CNTNAP2: variants seen among roughly 807,000 people sequenced by gnomAD.
The protein encoded by CNTNAP2 is contactin associated protein 2.
In CNTNAP2, 98 loss-of-function variants were observed where a neutral mutation model predicts 155.2. The ratio of observed to expected loss-of-function variants is 0.63; its 90% confidence interval spans 0.54 to 0.75. CNTNAP2 has a LOEUF of 0.75. Among genes scored for constraint, CNTNAP2 ranks in the 30% least tolerant of loss-of-function variants. The pLI, the probability that CNTNAP2 is intolerant of heterozygous loss-of-function variation, is 0.00. For missense variants in CNTNAP2, 1,727 were observed against 1,688.1 expected, an observed-to-expected ratio of 1.02 and a Z score of -0.40; for synonymous variants, 651 against 631.2, an observed-to-expected ratio of 1.03 and a Z score of -0.47.
chr7:146,328,725 C>T (rs977764111), intron 1 of CNTNAP2, among the ~76,000 whole-genome samples: 5 of 152,182 alleles, frequency 3.3e-5, no homozygotes, highest in African/African-American at 1.2e-4. Context: ...TCACCATTCT[C>T]CTCTCTGTTA....
chr7:146,132,210 G>A (rs1183859669), intron 1 of CNTNAP2, among the ~76,000 whole-genome samples: 1 of 152,124 alleles, frequency 6.6e-6, no homozygotes, highest in African/African-American at 2.4e-5. Context: ...AGGCCAATAA[G>A]TGGTTATACA....
At chr7:148,350,038 A>G (rs1005399624) in intron 21 of CNTNAP2, among the ~76,000 whole-genome samples, 3 of 152,162 alleles carry the variant, frequency 2.0e-5, no homozygotes, top group Non-Finnish European at 4.4e-5. Flanking sequence ...TGGATGATGG[A>G]TGGTGGGGAG....
intron 1 of CNTNAP2, among the ~76,000 whole-genome samples, chr7:146,704,057 T>C (rs1419039936): frequency 1.3e-5 from 2 of 152,166 alleles, no homozygotes; most frequent in Admixed American, 6.6e-5. Context: ...AAATAGACTC[T>C]GAACAAATTA....
At chr7:146,915,509 C>G (rs1796374570) in intron 3 of CNTNAP2, among the ~76,000 whole-genome samples, 1 of 152,008 alleles carries the variant, frequency 6.6e-6, no homozygotes, top group Admixed American at 6.6e-5. Context: ...TTGTAATTTT[C>G]CTTGTAGAAG....
intron 3 of CNTNAP2, among the ~76,000 whole-genome samples, chr7:146,929,152 C>T (rs963250116): frequency 1.3e-5 from 2 of 152,194 alleles, no homozygotes; most frequent in Non-Finnish European, 2.9e-5. Context: ...GGTCCCTGAC[C>T]CCTGACCTCC....
At chr7:146,212,018 T>C (rs544688473) in intron 1 of CNTNAP2, among the ~76,000 whole-genome samples, 1 of 152,304 alleles carries the variant, frequency 6.6e-6, no homozygotes, top group African/African-American at 2.4e-5. Context: ...TGAAATTTTA[T>C]ATTTTGTCAT....
chr7:146,974,312 C>T (rs1277496401), intron 3 of CNTNAP2, among the ~76,000 whole-genome samples: 5 of 151,666 alleles, frequency 3.3e-5, no homozygotes, highest in Admixed American at 3.3e-4. Context: ...GTGGAGGGCA[C>T]CTTTAATCTC....
chr7:148,228,268 T>C (rs1795892588), intron 19 of CNTNAP2, among the ~76,000 whole-genome samples: 1 of 152,194 alleles, frequency 6.6e-6, no homozygotes, highest in Non-Finnish European at 1.5e-5. Flanking sequence ...TAAGATATAA[T>C]ATTTATGCTT....
intron 13 of CNTNAP2, among the ~76,000 whole-genome samples, chr7:147,781,838 A>G (rs551384962): frequency 6.6e-5 from 10 of 152,118 alleles, no homozygotes; most frequent in Non-Finnish European, 1.5e-4. Context: ...CCTGGCTAAC[A>G]CGGTGAAACC....
intron 13 of CNTNAP2, among the ~76,000 whole-genome samples, chr7:147,686,862 A>T (rs1796023957): frequency 6.6e-6 from 1 of 152,012 alleles, no homozygotes; most frequent in Non-Finnish European, 1.5e-5. Context: ...AGTGTAAAAA[A>T]AAAAAGCTGT....
At chr7:147,074,813 A>G (rs1338490287) in intron 4 of CNTNAP2, among the ~76,000 whole-genome samples, 3 of 152,182 alleles carry the variant, frequency 2.0e-5, no homozygotes, top group Admixed American at 6.5e-5. Flanking sequence ...TGAGATTGCC[A>G]TCAAGAATTC....
intron 21 of CNTNAP2, among the ~76,000 whole-genome samples, chr7:148,296,972 T>C (rs1273915765): frequency 1.3e-5 from 2 of 152,116 alleles, no homozygotes; most frequent in African/African-American, 4.8e-5. Context: ...ATGCTCATTG[T>C]CTCCCTAGAG....
intron 15 of CNTNAP2, among the ~76,000 whole-genome samples, chr7:148,074,056 G>A (rs1803431500): frequency 6.6e-6 from 1 of 152,140 alleles, no homozygotes; most frequent in East Asian, 1.9e-4. Context: ...CTGGGGCTCT[G>A]GGAATGTATA....
At chr7:147,458,650 T>G (rs78200924) in intron 10 of CNTNAP2, among the ~76,000 whole-genome samples, 3 of 152,160 alleles carry the variant, frequency 2.0e-5, no homozygotes, top group Non-Finnish European at 4.4e-5. Context: ...TGCCTGATAG[T>G]CTCCCTCCTG....
intron 13 of CNTNAP2, among the ~76,000 whole-genome samples, chr7:147,868,693 A>G (rs916247677): frequency 3.3e-5 from 5 of 152,196 alleles, no homozygotes; most frequent in Non-Finnish European, 7.3e-5. Flanking sequence ...CACCCCACCC[A>G]CAGCCAGGCT....
chr7:146,969,738 G>A (rs1797740923), intron 3 of CNTNAP2, among the ~76,000 whole-genome samples: 1 of 152,022 alleles, frequency 6.6e-6, no homozygotes, highest in African/African-American at 2.4e-5. Flanking sequence ...CCAAAAAAGA[G>A]CCTGCATCGC....
intron 1 of CNTNAP2, among the ~76,000 whole-genome samples, chr7:146,756,552 C>T (rs985283808): frequency 4.6e-5 from 7 of 151,964 alleles, no homozygotes; most frequent in African/African-American, 1.7e-4. Context: ...CTGCGCCAGT[C>T]ACACACTTCC....
At chr7:147,729,422 A>C (rs911784800) in intron 13 of CNTNAP2, among the ~76,000 whole-genome samples, 1 of 16,278 alleles carries the variant, frequency 6.1e-5, no homozygotes, top group African/African-American at 2.1e-4. Flanking sequence ...ACACGCACAC[A>C]CACACGCACA....
chr7:147,860,829 C>T (rs948849094), intron 13 of CNTNAP2, among the ~76,000 whole-genome samples: 1 of 152,108 alleles, frequency 6.6e-6, no homozygotes, highest in Non-Finnish European at 1.5e-5. Flanking sequence ...CTCTATGCAA[C>T]AATACAGGGT....
Sources: gnomAD v4.1 joint callset for allele counts (sites outside exome capture counted in the v4.1 genomes callset) on GRCh38, gnomAD v4.1.1 for gene constraint, MANE v1.5 for transcripts, NCBI Gene and HGNC (gene_info 2026-07-23, HGNC 2026-07-21) for gene names.